LINGO2: variants seen among roughly 807,000 people sequenced by gnomAD.
LINGO2 encodes the protein leucine rich repeat and Ig domain containing 2.
Under a neutral mutation model 30.6 loss-of-function variants are expected in LINGO2, and 14 were observed. The ratio of observed to expected loss-of-function variants is 0.46; its 90% CI spans 0.30 to 0.72. The LOEUF (loss-of-function observed/expected upper bound fraction) is 0.72, where lower values mean the gene tolerates loss of function less well. LINGO2 is among the 30% of genes least tolerant of loss of function. The probability of loss-of-function intolerance (pLI) is 0.07; values close to 1 mark genes in which losing one functional copy is unlikely to be tolerated. For missense variants in LINGO2, 729 were observed against 751.7 expected (o/e 0.97, Z 0.35); for synonymous variants, 317 against 288.5 (o/e 1.10, Z -1.00).
the LINGO2 span, among the ~76,000 whole-genome samples, chr9:29,037,330 TTA>T: frequency 2.6e-3 from 391 of 152,012 alleles, 2 homozygotes; most frequent in African/African-American, 8.8e-3. Flanking sequence ...ATTTGAAATT[TTA>T]TATGTTATGA....
chr9:28,712,766 A>T, the LINGO2 span, among the ~76,000 whole-genome samples: 1 of 152,088 alleles, frequency 6.6e-6, no homozygotes, highest in Non-Finnish European at 1.5e-5. Context: ...ATATGTAGCA[A>T]ACATTTTTGT....
intron 5 of LINGO2, among the ~76,000 whole-genome samples, chr9:27,986,348 A>T (rs955884305): frequency 5.3e-5 from 8 of 151,884 alleles, no homozygotes; most frequent in African/African-American, 1.9e-4. Flanking sequence ...AACAGGGGCA[A>T]AGGGACTGAG....
the LINGO2 span, among the ~76,000 whole-genome samples, chr9:28,954,548 C>A: frequency 1.3e-5 from 2 of 152,090 alleles, no homozygotes; most frequent in Admixed American, 1.3e-4. Context: ...TCTGGTGTTG[C>A]CAGATTGAAT....
intron 4 of LINGO2, among the ~76,000 whole-genome samples, chr9:28,260,323 C>A (rs1247821037): frequency 1.3e-5 from 2 of 151,352 alleles, no homozygotes; most frequent in Non-Finnish European, 2.9e-5. Flanking sequence ...CTTCTCTATA[C>A]CACCTGCTAA....
rs1450611100 is a variant in LINGO2 at position 28,632,874 on chromosome 9, ATATATG to A, written c.-365+37320_-365+37325del. On this transcript the variant is annotated intron_variant, in intron 1 of 5. Coordinates refer to ENST00000379992, the Ensembl canonical transcript of LINGO2. ...ATATTTTTTATATATATATATATATATATATGTAGAGAGAGAGAGAGAGAGAGAGAG... is the reference window on the plus strand; with the variant it reads ...ATATTTTTTATATATATATATATATATAGAGAGAGAGAGAGAGAGAGAGAG... Among the ~76,000 whole-genome samples the A allele has an allele frequency of 2.9e-3, 266 of 93,014 alleles. 7 individuals carry two copies. The highest frequency in any genetic ancestry group is 9.9e-3 in the African/African-American group (227 of 22,850). 61.0% of individuals were successfully genotyped at this position (93,014 alleles called of 152,430 possible).
intron 1 of LINGO2, among the ~76,000 whole-genome samples, chr9:28,614,312 C>T (rs1230702986): frequency 6.6e-6 from 1 of 151,906 alleles, no homozygotes; most frequent in East Asian, 1.9e-4. Context: ...AAATAGTGTG[C>T]TATGTATATA....
chr9:27,975,884 T>C (rs974265671), intron 5 of LINGO2, among the ~76,000 whole-genome samples: 7 of 152,138 alleles, frequency 4.6e-5, no homozygotes, highest in African/African-American at 1.4e-4. Context: ...TGTGTTACAT[T>C]TTCACATTTG....
chr9:29,156,376 G>A, the LINGO2 span, among the ~76,000 whole-genome samples: 1 of 151,908 alleles, frequency 6.6e-6, no homozygotes, highest in African/African-American at 2.4e-5. Flanking sequence ...AACAATATTG[G>A]GATTTTAGTT....
chr9:28,070,504 T>C (rs1158649969), intron 4 of LINGO2, among the ~76,000 whole-genome samples: 1 of 152,194 alleles, frequency 6.6e-6, no homozygotes, highest in Admixed American at 6.5e-5. Flanking sequence ...CCAGGATGGC[T>C]TTTCCATCTA....
At chr9:28,244,445 T>C (rs1383931776) in intron 4 of LINGO2, among the ~76,000 whole-genome samples, 1 of 151,548 alleles carries the variant, frequency 6.6e-6, no homozygotes, top group African/African-American at 2.4e-5. Flanking sequence ...AGACAAGAAA[T>C]AATTAAGATC....
the LINGO2 span, among the ~76,000 whole-genome samples, chr9:28,913,544 T>A: frequency 6.6e-6 from 1 of 152,130 alleles, no homozygotes; most frequent in Non-Finnish European, 1.5e-5. Context: ...GAATGTGTAC[T>A]TAAAATCTCC....
chr9:28,821,935 G>C, the LINGO2 span, among the ~76,000 whole-genome samples: 1 of 152,022 alleles, frequency 6.6e-6, no homozygotes, highest in South Asian at 2.1e-4. Flanking sequence ...CCTCTCTAAG[G>C]GGTCTTCACT....
chr9:28,123,287 G>A (rs1827149617), intron 4 of LINGO2, among the ~76,000 whole-genome samples: 1 of 152,182 alleles, frequency 6.6e-6, no homozygotes, highest in Non-Finnish European at 1.5e-5. Flanking sequence ...AATAAAATAT[G>A]AAGAAAGAAG....
At chr9:28,482,839 T>A (rs898600557) in intron 1 of LINGO2, among the ~76,000 whole-genome samples, 1 of 152,068 alleles carries the variant, frequency 6.6e-6, no homozygotes, top group African/African-American at 2.4e-5. Flanking sequence ...TATACAAAAA[T>A]TAATTCAAGA....
At chr9:28,184,790 A>G (rs1282759969) in intron 4 of LINGO2, among the ~76,000 whole-genome samples, 2 of 152,174 alleles carry the variant, frequency 1.3e-5, no homozygotes, top group Non-Finnish European at 2.9e-5. Flanking sequence ...AGCAAATTGG[A>G]AAAGGCCTAA....
At chr9:28,765,707 C>A in the LINGO2 span, among the ~76,000 whole-genome samples, 1 of 152,004 alleles carries the variant, frequency 6.6e-6, no homozygotes, top group Non-Finnish European at 1.5e-5. Context: ...AGAAGCTGCA[C>A]AGATGTCAAC....
chr9:28,455,645 G>T (rs568144841), intron 2 of LINGO2, among the ~76,000 whole-genome samples: 1 of 152,094 alleles, frequency 6.6e-6, no homozygotes, highest in African/African-American at 2.4e-5. Context: ...CTATGCTCTC[G>T]TGACAGTCTG....
At chr9:29,030,365 A>G in the LINGO2 span, among the ~76,000 whole-genome samples, 2 of 152,142 alleles carry the variant, frequency 1.3e-5, no homozygotes, top group African/African-American at 4.8e-5. Context: ...TGGAAAAATA[A>G]CAGTACCTAT....
chr9:29,110,840 G>A, the LINGO2 span, among the ~76,000 whole-genome samples: 3 of 151,686 alleles, frequency 2.0e-5, no homozygotes, highest in African/African-American at 7.3e-5. Context: ...ACAGGCGCTC[G>A]CCACCACGCC....
Sources: gnomAD v4.1 joint callset for allele counts (sites outside exome capture counted in the v4.1 genomes callset) on GRCh38, gnomAD v4.1.1 for gene constraint, MANE v1.5 for transcripts, NCBI Gene and HGNC (gene_info 2026-07-23, HGNC 2026-07-21) for gene names.